HAGH: variants seen among roughly 807,000 people sequenced by gnomAD.
HAGH encodes hydroxyacylglutathione hydrolase, also known as hydroxyacylglutathione hydrolase, mitochondrial.
Under a neutral mutation model 35.1 loss-of-function variants are expected in HAGH, and 29 were observed. That is an observed-to-expected ratio of 0.83 (90% CI 0.62 to 1.13). HAGH has a LOEUF of 1.13. Among genes scored for constraint, HAGH ranks in the 50% most tolerant of loss-of-function variants. The pLI is 0.00. For synonymous variants in HAGH, 225 were observed against 176.1 expected (o/e 1.28, Z -2.20); for missense variants, 478 against 419.6 (o/e 1.14, Z -1.22).
intron 7 of HAGH, among the ~76,000 whole-genome samples, chr16:1,813,445 C>G (rs111589802): frequency 0.015 from 2,210 of 152,234 alleles, 43 homozygotes; most frequent in South Asian, 0.072. Flanking sequence ...ACTAAGACAC[C>G]CAGGAAGTTA....
Position 1,810,009 on chromosome 16 carries a change from C to CA in HAGH, c.748-177dup, listed in dbSNP as rs572101312. The CA allele has an allele frequency of 5.1e-4, 307 of 598,666 alleles. 1 individual carries two copies. The African/African-American group carries it at 5.1e-3, about 10-fold the overall frequency. 37.1% of individuals were successfully genotyped at this position (598,666 alleles called of 1,614,324 possible). On this transcript the variant is annotated intron_variant, in intron 7 of 8. Transcript: ENST00000397356. ...CGAGACCCTGTGTCTACTAAAAATA[C>CA]AAAAAACTAGCCAGGCATGGTGGCA...
At position 1,810,757 on chromosome 16, in the gene HAGH, C is replaced by A. The variant is rs181774746; in HGVS notation, c.748-924G>T. On this transcript the variant is annotated intron_variant, in intron 7 of 8. Transcript: ENST00000397356. ...CCCACGCACAGGCTCAAGACCACCG[C>A]GCCTCACCCCCGAGGTTCCCCACCC... The A allele has an allele frequency of 4.0e-3, 612 of 152,466 alleles. 1 individual carries two copies. The highest frequency in any genetic ancestry group is 7.1e-3 in the Admixed American group (109 of 15,310). The allele number at this position is 152,466 out of a possible 1,614,324, so 9.4% of individuals were successfully genotyped here.
intron 1 of HAGH, among the ~76,000 whole-genome samples, chr16:1,823,417 G>A (rs556726630): frequency 4.6e-5 from 7 of 151,710 alleles, no homozygotes; most frequent in African/African-American, 7.2e-5. Context: ...ACAGACGCCC[G>A]CCACCATACC....
In HAGH at chr16:1,822,283, T is replaced by G. The variant is rs373747596; in HGVS notation, c.314+17A>C. 168 of 1,577,882 alleles carry G rather than the reference T, an allele frequency of 1.1e-4. No individual in the cohort carries two copies. Among genetic ancestry groups the G allele is most frequent in the Non-Finnish European group, 1.4e-4 (161 of 1,147,954 alleles). ...GTGAGCCAGGTCCCACACCCCCAGG[T>G]GAGACGCGGCACTTACCAGTGGTGG... On this transcript the variant is annotated intron_variant, in intron 3 of 8. Coordinates refer to ENST00000397356, the MANE Select transcript of HAGH (RefSeq NM_005326.6).
chr16:1,814,430 C>T (rs1480667083), intron 7 of HAGH, among the ~76,000 whole-genome samples: 12 of 149,996 alleles, frequency 8.0e-5, no homozygotes, highest in Admixed American at 4.0e-4. Context: ...GCTGAGATCG[C>T]GCCGCTGCAC....
At chr16:1,820,829 G>A (rs565833802) in intron 3 of HAGH, among the ~76,000 whole-genome samples, 16 of 152,222 alleles carry the variant, frequency 1.1e-4, no homozygotes, top group South Asian at 6.2e-4. Context: ...AGGAGGGCGC[G>A]GCACCACAGG....
Position 1,809,153 on chromosome 16 carries a change from G to T in HAGH, c.*130C>A. 1.5e-6 allele frequency: 1 copy of T among 658,972 alleles called. No homozygotes were observed. The highest frequency in any genetic ancestry group is 2.7e-6 in the Non-Finnish European group (1 of 365,568). The allele number at this position is 658,972 out of a possible 1,614,324, so 40.8% of individuals were successfully genotyped here. A position where few individuals can be genotyped will look rare whatever the true frequency, so the allele number is the denominator to read the frequency against. Reference sequence around the variant, plus strand: ...TTCTCTTATAAATATGCATTAGAATGTCCGATAACACAAGCCAAGGGCTGT... The same window carrying T: ...TTCTCTTATAAATATGCATTAGAATTTCCGATAACACAAGCCAAGGGCTGT... On this transcript the variant is annotated 3_prime_UTR_variant, in exon 9 of 9. Coordinates refer to ENST00000397356, the MANE Select transcript of HAGH (RefSeq NM_005326.6).
At chr16:1,822,420 T>C in intron 2 of HAGH, 56 bp from the exon 3 acceptor site, 1 of 1,301,966 alleles carries the variant, frequency 7.7e-7, no homozygotes, top group African/African-American at 1.4e-5. Context: ...CCTGGCTTGC[T>C]GGCCTATATG....
chr16:1,815,465 C>G (rs576814766), intron 7 of HAGH, among the ~76,000 whole-genome samples: 1 of 152,352 alleles, frequency 6.6e-6, no homozygotes, highest in East Asian at 1.9e-4. Flanking sequence ...ATGGGCTACT[C>G]AGAAGCAAAG....
At chr16:1,822,732 CAG>C (rs1330367859) in intron 2 of HAGH, 131 bp downstream of exon 2, 1 of 749,574 alleles carries the variant, frequency 1.3e-6, no homozygotes, top group Non-Finnish European at 2.3e-6. Flanking sequence ...GCCCTGTTAA[CAG>C]AGTGGCCGGA....
intron 1 of HAGH, among the ~76,000 whole-genome samples, chr16:1,824,085 G>A (rs1335703079): frequency 6.6e-6 from 1 of 152,078 alleles, no homozygotes; most frequent in African/African-American, 2.4e-5. Flanking sequence ...GCCCTTCTCA[G>A]CCTCTAGCCA....
intron 3 of HAGH, 103 bp from the exon 4 acceptor site, chr16:1,820,117 A>G: frequency 1.3e-6 from 1 of 765,424 alleles, no homozygotes; most frequent in Non-Finnish European, 2.3e-6. Context: ...TGCTGCTCTT[A>G]AACCCTAGTC....
At chr16:1,821,056 C>T (rs1414640511) in intron 3 of HAGH, among the ~76,000 whole-genome samples, 2 of 152,172 alleles carry the variant, frequency 1.3e-5, no homozygotes, top group Admixed American at 1.3e-4. Flanking sequence ...GAGGCCACCA[C>T]CAGGGTCCCC....
chr16:1,827,149 C>T, upstream of HAGH: 2 of 1,501,628 alleles, frequency 1.3e-6, no homozygotes, highest in South Asian at 1.3e-5. Context: ...CGGGGGACAG[C>T]GTTCCGAGGC....
rs1173987061 is a variant in HAGH, at chr16:1,817,005, A to G, written c.646-11T>C. ...GCCACAGTAGACTCTCTGAGGAGAGAGGTGACAGGTGAGCTCGGAAGGCTG... is the reference window on the plus strand; with the variant it reads ...GCCACAGTAGACTCTCTGAGGAGAGGGGTGACAGGTGAGCTCGGAAGGCTG... On this transcript the variant is annotated splice_polypyrimidine_tract_variant and intron_variant, in intron 6 of 8. Transcript: ENST00000397356. The G allele has an allele frequency of 1.9e-6, 3 of 1,576,926 alleles. No individual in the cohort carries two copies. The highest frequency in any genetic ancestry group is 1.3e-5 in the African/African-American group (1 of 74,164).
At chr16:1,819,309 T>C in intron 4 of HAGH, 86 bp from the exon 5 acceptor site, 1 of 790,642 alleles carries the variant, frequency 1.3e-6, no homozygotes, top group South Asian at 1.7e-5. Flanking sequence ...TGGGCCCTAC[T>C]GGGCCTCCTC....
intron 1 of HAGH, among the ~76,000 whole-genome samples, chr16:1,824,792 T>C (rs970409316): frequency 6.6e-6 from 1 of 152,176 alleles, no homozygotes; most frequent in Non-Finnish European, 1.5e-5. Flanking sequence ...CAGCTGGGCA[T>C]TTTCCAGATC....
intron 1 of HAGH, among the ~76,000 whole-genome samples, chr16:1,823,298 C>G (rs995366050): frequency 2.0e-5 from 3 of 149,678 alleles, no homozygotes; most frequent in Non-Finnish European, 1.5e-5. Flanking sequence ...GACGGAGTCT[C>G]GCTCTGTCGC....
intron 3 of HAGH, 47 bp from the exon 4 acceptor site, chr16:1,820,061 CTGCCTGCTGAGCTGAGGGG>C (rs780409424): frequency 9.3e-6 from 10 of 1,078,334 alleles, no homozygotes; most frequent in Non-Finnish European, 1.1e-5. Flanking sequence ...GCTGAGGGGG[CTGCCTGCTGAGCTGAGGGG>C]GCTGCCTGCT....
Sources: allele counts gnomAD v4.1 joint callset (sites outside exome capture counted in the v4.1 genomes callset), GRCh38; gene constraint gnomAD v4.1.1; transcripts MANE v1.5; gene names NCBI Gene and HGNC (gene_info 2026-07-23, HGNC 2026-07-21).